The following CD163L1 variants were observed in gnomAD, a reference collection of about 807,000 sequenced individuals.
The protein encoded by CD163L1 is CD163 molecule like 1.
A neutral mutation model predicts 165.4 loss-of-function variants in CD163L1; 124 were observed. The observed-to-expected ratio is 0.75, with a 90% CI of 0.65 to 0.87. CD163L1 has a LOEUF of 0.87. Ranked by LOEUF, CD163L1 falls within the 40% of genes least tolerant of loss-of-function variation. The pLI is 0.00. For missense variants in CD163L1, 1,525 were observed against 1,799.9 expected (o/e 0.85, Z 2.76); for synonymous variants, 585 against 662.2 (o/e 0.88, Z 1.79).
chr12:7,328,597 A>C, the CD163L1 span: 1 of 314,596 alleles, frequency 3.2e-6, no homozygotes, highest in South Asian at 3.5e-5. Flanking sequence ...GACAAAGGTA[A>C]TGATGATGAT....
chr12:7,355,898 G>C (rs1946764397), intron 19 of CD163L1, among the ~76,000 whole-genome samples: 1 of 152,132 alleles, frequency 6.6e-6, no homozygotes, highest in Admixed American at 6.5e-5. Flanking sequence ...CTGGCATCCA[G>C]AATTGTGAGA....
intron 4 of CD163L1, among the ~76,000 whole-genome samples, chr12:7,431,731 T>G (rs11053834): frequency 0.11 from 16,578 of 151,898 alleles, 1,627 homozygotes; most frequent in African/African-American, 0.26. Context: ...TGTTGTGCAC[T>G]TGTACCCTAG....
At chr12:7,439,838 T>G in intron 2 of CD163L1, 1 of 1,613,462 alleles carries the variant, frequency 6.2e-7, no homozygotes, top group Non-Finnish European at 8.5e-7. Context: ...TCCTCCTCAC[T>G]GTCGCCAAAG....
chr12:7,402,369 TTGTG>T (rs527265060), intron 6 of CD163L1, among the ~76,000 whole-genome samples: 5 of 151,338 alleles, frequency 3.3e-5, no homozygotes, highest in Non-Finnish European at 5.9e-5. Context: ...TATAAGGTAT[TTGTG>T]TGTGTGTGTG....
At chr12:7,399,212 TTTC>T (rs1250029969) in intron 6 of CD163L1, among the ~76,000 whole-genome samples, 1 of 151,488 alleles carries the variant, frequency 6.6e-6, no homozygotes, top group Non-Finnish European at 1.5e-5. Context: ...TTTCTCTTTT[TTTC>T]TTCCTTTCTC....
chr12:7,420,387 C>T (rs932452495), intron 4 of CD163L1, among the ~76,000 whole-genome samples: 6 of 151,798 alleles, frequency 4.0e-5, no homozygotes, highest in African/African-American at 1.5e-4. Context: ...AGCTTCTGCA[C>T]AGCAAAAGAA....
rs995260440 is a variant in CD163L1, at chr12:7,373,316, C to G, written c.3730+4G>C. On this transcript the variant is annotated splice_donor_region_variant and intron_variant, in intron 14 of 19. Transcript: ENST00000313599. Reference sequence around the variant, plus strand: ...TGACAGCTGGTGTTTAGAAAGATACCCACCTTCACATGTGATCCAGGTCTC... The same window carrying G: ...TGACAGCTGGTGTTTAGAAAGATACGCACCTTCACATGTGATCCAGGTCTC... The G allele has an allele frequency of 1.9e-6, 3 of 1,592,918 alleles. No individual in the cohort carries two copies. The highest frequency in any genetic ancestry group is 2.6e-6 in the Non-Finnish European group (3 of 1,167,148).
intron 2 of CD163L1, chr12:7,438,861 T>A: frequency 6.4e-7 from 1 of 1,574,242 alleles, no homozygotes; most frequent in Non-Finnish European, 8.7e-7. Flanking sequence ...GATATAGGCA[T>A]AAGCTTCTCT....
chr12:7,349,547 A>G (rs1010731985), intron 4 of CD163L1, among the ~76,000 whole-genome samples: 4 of 152,230 alleles, frequency 2.6e-5, no homozygotes, highest in Non-Finnish European at 4.4e-5. Flanking sequence ...CATGACTGGA[A>G]TAACAAACCA....
chr12:7,432,418 T>C lies in CD163L1; in HGVS notation c.764A>G (p.Tyr255Cys), dbSNP rs1385662961. ...TACATGATGTCTTGGGTTCTTACCATAACAAGTTAATGTGACATCCTCATT... is the reference window on the plus strand; with the variant it reads ...TACATGATGTCTTGGGTTCTTACCACAACAAGTTAATGTGACATCCTCATT... The part of the protein sequence containing the change: ...SHNEDVTLTC[Y>C]DSSDLELRLV... The change falls in exon 4 of 20, where the codon TAT (tyrosine) becomes TGT (cysteine). Residue 255 changes from tyrosine (Y) to cysteine (C), a missense_variant and splice_region_variant. Coordinates refer to ENST00000313599, the MANE Select transcript of CD163L1 (RefSeq NM_174941.6). The surrounding 1 kb of genome is among the most constrained non-coding windows in gnomAD (Gnocchi z 4.2). The C allele has an allele frequency of 3.1e-6, 5 of 1,608,694 alleles. No individual in the cohort carries two copies. The highest frequency in any genetic ancestry group is 1.3e-5 in the African/African-American group (1 of 74,958).
At chr12:7,377,263 G>C (rs1466450143) in intron 9 of CD163L1, among the ~76,000 whole-genome samples, 1 of 152,064 alleles carries the variant, frequency 6.6e-6, no homozygotes, top group Non-Finnish European at 1.5e-5. Context: ...TTTCAGTAAG[G>C]CCTACCCCAG....
chr12:7,385,637 A>G (rs1947500150), intron 8 of CD163L1, among the ~76,000 whole-genome samples: 1 of 152,074 alleles, frequency 6.6e-6, no homozygotes, highest in African/African-American at 2.4e-5. Flanking sequence ...CAAATTTTTA[A>G]AAATTACAAT....
At chr12:7,439,160 T>C (rs770324311) in intron 2 of CD163L1, 22 of 1,576,290 alleles carry the variant, frequency 1.4e-5, no homozygotes, top group Admixed American at 2.0e-5. Context: ...TAGCCCTTCA[T>C]TGTCATCCTC....
At chr12:7,348,416 T>C (rs749370642) in intron 4 of CD163L1, among the ~76,000 whole-genome samples, 2 of 152,314 alleles carry the variant, frequency 1.3e-5, no homozygotes, top group East Asian at 3.9e-4. Context: ...ACCCTATTAA[T>C]AAGGAAGAGG....
chr12:7,431,755 A>T (rs1314001196), intron 4 of CD163L1, among the ~76,000 whole-genome samples: 1 of 150,602 alleles, frequency 6.6e-6, no homozygotes, highest in Non-Finnish European at 1.5e-5. Context: ...TTAAAGTATA[A>T]AAAAAAAAGT....
intron 2 of CD163L1, among the ~76,000 whole-genome samples, chr12:7,437,293 T>G (rs1310041378): frequency 8.5e-4 from 14 of 16,518 alleles, no homozygotes; most frequent in Non-Finnish European, 6.6e-4. Context: ...TTAATAGTAT[T>G]ACTTTTATTT....
rs950550101 is a variant in CD163L1, at chr12:7,444,098, A to C, written c.30T>G (p.Ile10Met). Residue 10 changes from isoleucine to methionine, a missense_variant and splice_region_variant, in exon 1 of 20, where the codon ATT (isoleucine) becomes ATG (methionine). Transcript: ENST00000313599. MMLPQNSWH[I>M]DFGRCCCHQN... ...AGCAAAATAAAAGCAAAACCTTACC[A>C]ATATGCCACGAGTTTTGAGGCAGCA... 4.3e-6 allele frequency: 7 copies of C among 1,613,812 alleles called. No individual in the cohort carries two copies. The highest frequency in any genetic ancestry group is 1.3e-5 in the African/African-American group (1 of 75,032).
At position 7,441,228 on chromosome 12, in the gene CD163L1, C is replaced by A. The variant is rs1279548126; in HGVS notation, c.50G>T (p.Cys17Phe). 3.1e-6 allele frequency: 5 copies of A among 1,613,872 alleles called. No individual in the cohort carries two copies. In the Admixed American group the frequency reaches 8.3e-5, roughly 27 times the overall value. The change falls in exon 2 of 20, where the codon TGT becomes TTT. Residue 17 changes from cysteine (C) to phenylalanine (F), a missense_variant. Coordinates refer to ENST00000313599, the MANE Select transcript of CD163L1 (RefSeq NM_174941.6). ...SWHIDFGRCC[C>F]HQNLFSAVVT... Reference sequence around the variant, plus strand: ...CACAGCAGAGAAAAGGTTCTGATGACAGCAGCATCTTCCAAAATCTGGAGA... The same window carrying A: ...CACAGCAGAGAAAAGGTTCTGATGAAAGCAGCATCTTCCAAAATCTGGAGA...
At chr12:7,327,284 C>A in the CD163L1 span, among the ~76,000 whole-genome samples, 2 of 152,192 alleles carry the variant, frequency 1.3e-5, no homozygotes, top group South Asian at 4.2e-4. Context: ...AATTATAAAC[C>A]AGAACCTTTA....
Sources: allele counts gnomAD v4.1 joint callset (sites outside exome capture counted in the v4.1 genomes callset), GRCh38; gene constraint gnomAD v4.1.1; non-coding constraint Gnocchi (gnomAD v3.1); transcripts MANE v1.5; gene names NCBI Gene and HGNC (gene_info 2026-07-23, HGNC 2026-07-21).